MET: variants seen among roughly 807,000 people sequenced by gnomAD.
MET encodes the protein hepatocyte growth factor receptor.
A neutral mutation model predicts 133.1 loss-of-function variants in MET; 48 were observed. The ratio of observed to expected loss-of-function variants is 0.36; its 90% CI spans 0.29 to 0.46. The LOEUF is 0.46. Ranked by LOEUF, MET falls within the 20% of genes least tolerant of loss-of-function variation. The pLI, the probability that MET is intolerant of heterozygous loss-of-function variation, is 1.00. For synonymous variants in MET, 628 were observed against 616.5 expected, an observed-to-expected ratio of 1.02 and a Z score of -0.28; for missense variants, 1,442 against 1,695.9, an observed-to-expected ratio of 0.85 and a Z score of 2.63.
At chr7:116,789,322 T>C (rs774456424) in intron 19 of MET, among the ~76,000 whole-genome samples, 16 of 152,312 alleles carry the variant, frequency 1.1e-4, no homozygotes, top group Admixed American at 8.5e-4. Flanking sequence ...TCATCATCAG[T>C]GTCACAAATT....
chr7:116,741,192 C>T, intron 5 of MET, 167 bp downstream of exon 5: 1 of 787,712 alleles, frequency 1.3e-6, no homozygotes. Flanking sequence ...AAAGCACCAT[C>T]TCTCTCTTGG....
At chr7:116,727,004 G>C (rs1448332767) in intron 2 of MET, among the ~76,000 whole-genome samples, 2 of 152,174 alleles carry the variant, frequency 1.3e-5, no homozygotes, top group Non-Finnish European at 2.9e-5. Context: ...AGAAAGAGAA[G>C]GTGGTGATGA....
intron 2 of MET, among the ~76,000 whole-genome samples, chr7:116,709,190 A>T (rs1218560740): frequency 6.6e-6 from 1 of 152,182 alleles, no homozygotes; most frequent in African/African-American, 2.4e-5. Flanking sequence ...ATCTTTACCT[A>T]CAGACACATG....
At chr7:116,728,135 T>C (rs529074962) in intron 2 of MET, among the ~76,000 whole-genome samples, 22 of 152,282 alleles carry the variant, frequency 1.4e-4, no homozygotes, top group African/African-American at 5.3e-4. Flanking sequence ...ATCTCAGCTA[T>C]GGAGAAAATG....
intron 2 of MET, among the ~76,000 whole-genome samples, chr7:116,702,117 C>A (rs1243269626): frequency 1.3e-5 from 2 of 152,038 alleles, no homozygotes; most frequent in African/African-American, 4.8e-5. Flanking sequence ...GACAAACAGA[C>A]AGGATTAGCC....
chr7:116,769,815 T>C, intron 12 of MET, 24 bp downstream of exon 12: 1 of 1,613,462 alleles, frequency 6.2e-7, no homozygotes, highest in Non-Finnish European at 8.5e-7. Context: ...ATTCCTCTCA[T>C]GATGTAAATA....
intron 2 of MET, among the ~76,000 whole-genome samples, chr7:116,706,940 C>G (rs1306648033): frequency 6.7e-6 from 1 of 149,610 alleles, no homozygotes; most frequent in African/African-American, 2.5e-5. Context: ...ATCTAGGATC[C>G]TGGATACATT....
Position 116,793,625 on chromosome 7 carries a change from G to A in MET, c.3799-2030G>A, listed in dbSNP as rs1222565653. ...AATAAGAACACATATGCAGCCAGGCGCCGTGGCTCATGCCTGTAATCCCAG... is the reference window on the plus strand; with the variant it reads ...AATAAGAACACATATGCAGCCAGGCACCGTGGCTCATGCCTGTAATCCCAG... On this transcript the variant is annotated intron_variant, in intron 19 of 20. Transcript: ENST00000397752. 7.2e-5 allele frequency among the ~76,000 whole-genome samples: 11 copies of A among 151,854 alleles called. No individual in the cohort carries two copies. The East Asian group carries it at 7.8e-4, about 11-fold the overall frequency.
At chr7:116,749,405 A>T (rs1368457713) in intron 5 of MET, among the ~76,000 whole-genome samples, 5 of 152,244 alleles carry the variant, frequency 3.3e-5, no homozygotes, top group Non-Finnish European at 4.4e-5. Context: ...ATAAAATTCA[A>T]CACCCCTTCG....
At chr7:116,766,123 ACT>A (rs1460689739) in intron 11 of MET, among the ~76,000 whole-genome samples, 6 of 152,128 alleles carry the variant, frequency 3.9e-5, no homozygotes, top group Non-Finnish European at 8.8e-5. Flanking sequence ...GTTTAAAGAA[ACT>A]CTGTATTTCT....
chr7:116,751,922 A>G (rs1793936632), intron 5 of MET, among the ~76,000 whole-genome samples: 2 of 152,024 alleles, frequency 1.3e-5, no homozygotes, highest in East Asian at 1.9e-4. Flanking sequence ...TTAGCTAGGC[A>G]TGGTGGCAGG....
chr7:116,712,104 G>A (rs1190992162), intron 2 of MET, among the ~76,000 whole-genome samples: 1 of 152,178 alleles, frequency 6.6e-6, no homozygotes, highest in African/African-American at 2.4e-5. Flanking sequence ...CATTCTTGTA[G>A]TTCCCAGAAT....
chr7:116,701,454 T>C (rs1198359690), intron 2 of MET, among the ~76,000 whole-genome samples: 1 of 152,192 alleles, frequency 6.6e-6, no homozygotes, highest in East Asian at 1.9e-4. Flanking sequence ...TGACTTTTGC[T>C]GAAATGTCTG....
chr7:116,739,929 T>G (rs760582864), intron 3 of MET, 21 bp from the exon 4 acceptor site: 25 of 1,614,056 alleles, frequency 1.5e-5, no homozygotes. Context: ...ATAAGGATGT[T>G]ATAACTTTTT....
At position 116,796,025 on chromosome 7, in the gene MET, C is replaced by T. The variant is rs772860611; in HGVS notation, c.4074C>T (p.Asn1358=). 20 of 1,613,974 alleles carry T rather than the reference C, an allele frequency of 1.2e-5. No homozygotes were observed. The highest frequency in any genetic ancestry group is 8.9e-5 in the East Asian group (4 of 44,864). ...TCCATGTGAACGCTACTTATGTGAA[C>T]GTAAAATGTGTCGCTCCGTATCCTT... ...HYVHVNATYV[N]VKCVAPYPSL... The change falls in exon 21 of 21, where the codon AAC becomes AAT. Residue 1358 remains asparagine, a synonymous_variant. Coordinates refer to ENST00000397752, the MANE Select transcript of MET (RefSeq NM_000245.4).
chr7:116,758,628 G>T lies in MET; in HGVS notation c.2264+8G>T. ...AACCAAATCTTTTATTAGGTAAGTA[G>T]AAGCTTCTGATGGGTATAAGAAAAC... On this transcript the variant is annotated splice_region_variant and intron_variant, in intron 9 of 20. Transcript: ENST00000397752. 1 of 1,612,612 alleles carries T rather than the reference G, an allele frequency of 6.2e-7. No homozygotes were observed. Among genetic ancestry groups the T allele is most frequent in the South Asian group, 1.1e-5 (1 of 91,038 alleles).
chr7:116,688,223 A>G (rs1169170943), intron 1 of MET, among the ~76,000 whole-genome samples: 1 of 151,322 alleles, frequency 6.6e-6, no homozygotes, highest in South Asian at 2.1e-4. Context: ...GCAAAGGTTG[A>G]TTGCCTCTTT....
intron 19 of MET, among the ~76,000 whole-genome samples, chr7:116,787,066 G>C (rs1407252678): frequency 7.2e-5 from 11 of 152,196 alleles, no homozygotes; most frequent in Admixed American, 7.2e-4. Context: ...GTAGGTCATA[G>C]GTCATGGTGG....
intron 2 of MET, among the ~76,000 whole-genome samples, chr7:116,703,025 T>G (rs1791637416): frequency 6.6e-6 from 1 of 152,178 alleles, no homozygotes; most frequent in Non-Finnish European, 1.5e-5. Context: ...CACATGCATC[T>G]TCTCATATTG....
Sources: gnomAD v4.1 joint callset for allele counts (sites outside exome capture counted in the v4.1 genomes callset) on GRCh38, gnomAD v4.1.1 for gene constraint, MANE v1.5 for transcripts, NCBI Gene and HGNC (gene_info 2026-07-23, HGNC 2026-07-21) for gene names.